GLIS1: variants seen among roughly 807,000 people sequenced by gnomAD.
GLIS1 encodes GLIS family zinc finger 1.
GLIS1 carries 24 observed loss-of-function variants against 63.8 expected under a neutral mutation model. That is an observed-to-expected ratio of 0.38 (90% CI 0.27 to 0.53). The LOEUF (loss-of-function observed/expected upper bound fraction) is 0.53, where lower values mean the gene tolerates loss of function less well. Among genes scored for constraint, GLIS1 ranks in the 20% least tolerant of loss-of-function variants. GLIS1 has a pLI of 0.85. For missense variants in GLIS1, 1,036 were observed against 1,074.1 expected (o/e 0.96, Z 0.50); for synonymous variants, 450 against 482.5 (o/e 0.93, Z 0.88).
intron 5 of GLIS1, among the ~76,000 whole-genome samples, chr1:53,525,097 G>A (rs929034060): frequency 1.3e-5 from 2 of 152,128 alleles, no homozygotes; most frequent in Non-Finnish European, 2.9e-5. Context: ...CACCATCCTG[G>A]GACCTCAGGT....
At chr1:53,723,749 G>A (rs1051659296) in intron 2 of GLIS1, among the ~76,000 whole-genome samples, 2 of 152,088 alleles carry the variant, frequency 1.3e-5, no homozygotes, top group Admixed American at 6.6e-5. Context: ...TAGTACTCAC[G>A]TGAGTGGGAA....
intron 2 of GLIS1, among the ~76,000 whole-genome samples, chr1:53,708,159 T>C (rs1646600424): frequency 6.6e-6 from 1 of 151,980 alleles, no homozygotes; most frequent in South Asian, 2.1e-4. Flanking sequence ...GGGGGATGCC[T>C]GTAGTCCCAG....
chr1:53,544,793 A>G (rs1413788505), intron 4 of GLIS1, among the ~76,000 whole-genome samples: 1 of 152,028 alleles, frequency 6.6e-6, no homozygotes, highest in Non-Finnish European at 1.5e-5. Context: ...TTTCTTTGTG[A>G]GGTTCTGGGC....
intron 7 of GLIS1, among the ~76,000 whole-genome samples, chr1:53,515,126 G>C (rs1644338687): frequency 6.7e-6 from 1 of 149,662 alleles, no homozygotes; most frequent in Non-Finnish European, 1.5e-5. Context: ...TGTGTTCTGA[G>C]ATGGGGGCAT....
At chr1:53,513,339 C>A (rs1217871879) in intron 8 of GLIS1, among the ~76,000 whole-genome samples, 1 of 152,176 alleles carries the variant, frequency 6.6e-6, no homozygotes, top group Non-Finnish European at 1.5e-5. Context: ...CATCCCCAAA[C>A]CTGACCACAT....
At chr1:53,715,947 G>A (rs1646694141) in intron 2 of GLIS1, among the ~76,000 whole-genome samples, 1 of 152,170 alleles carries the variant, frequency 6.6e-6, no homozygotes, top group Admixed American at 6.5e-5. Flanking sequence ...TTTTGAGCTG[G>A]CAGGTCCTGA....
chr1:53,670,572 A>G (rs1291866925), intron 2 of GLIS1, among the ~76,000 whole-genome samples: 2 of 152,202 alleles, frequency 1.3e-5, no homozygotes, highest in African/African-American at 4.8e-5. Flanking sequence ...TCCAACCCCT[A>G]ACACACCAGC....
chr1:53,549,502 C>T (rs932102823), intron 4 of GLIS1, among the ~76,000 whole-genome samples: 5 of 152,180 alleles, frequency 3.3e-5, no homozygotes, highest in East Asian at 1.9e-4. Flanking sequence ...CTTGTGGTTC[C>T]GATTTGCATT....
At position 53,685,049 on chromosome 1, in the gene GLIS1, G is replaced by A. The variant is rs1016177303; in HGVS notation, c.259+52757C>T. ...TGGAAGTCAGGGAAGGTTTCCTGGA[G>A]GAGATGCTGGCAGAGTTCTGGGAGG... On this transcript the variant is annotated intron_variant, in intron 2 of 10. Transcript: ENST00000628545. 4.5e-4 allele frequency among the ~76,000 whole-genome samples: 68 copies of A among 152,186 alleles called. 2 individuals are homozygous for A. The highest frequency in any genetic ancestry group is 4.3e-3 in the Admixed American group (66 of 15,282).
intron 2 of GLIS1, among the ~76,000 whole-genome samples, chr1:53,619,986 C>T (rs147782287): frequency 6.6e-6 from 1 of 152,328 alleles, no homozygotes; most frequent in East Asian, 1.9e-4. Context: ...GGATGATGCT[C>T]TCCTCTCCTT....
chr1:53,566,639 T>C (rs1161389131), intron 4 of GLIS1, among the ~76,000 whole-genome samples: 1 of 151,784 alleles, frequency 6.6e-6, no homozygotes, highest in Non-Finnish European at 1.5e-5. Flanking sequence ...TGGTGGGAGG[T>C]GACTGGATCA....
intron 2 of GLIS1, among the ~76,000 whole-genome samples, chr1:53,679,315 AACT>A (rs1165271569): frequency 6.6e-6 from 1 of 152,194 alleles, no homozygotes; most frequent in Non-Finnish European, 1.5e-5. Context: ...GCCTTAAAAT[AACT>A]ACAAGGCATT....
chr1:53,510,767 C>T (rs1644290835), intron 8 of GLIS1, among the ~76,000 whole-genome samples: 3 of 152,194 alleles, frequency 2.0e-5, no homozygotes, highest in Admixed American at 2.0e-4. Context: ...ATGGCCAAGT[C>T]GGCATTTTTT....
In GLIS1 at chr1:53,594,505, C is replaced by G. The variant is rs1366001854; in HGVS notation, c.923G>C (p.Ser308Thr). 1.2e-6 allele frequency: 2 copies of G among 1,613,026 alleles called. No individual in the cohort carries two copies. The highest frequency in any genetic ancestry group is 1.7e-6 in the Non-Finnish European group (2 of 1,179,974). ...GPASTDSHEG[S>T]LQLEACRKAS... ...CTTCCGGCAGGCTTCAAGTTGCAAG[C>G]TGCCCTCATGGCTGTCCGTCGATGC... is the stretch of plus-strand genomic sequence containing the variant. Residue 308 changes from serine to threonine, a missense_variant, in exon 4 of 11, where the codon AGC becomes ACC. Coordinates refer to ENST00000628545, the MANE Select transcript of GLIS1 (RefSeq NM_001367484.1).
At chr1:53,588,241 CA>C (rs1645155353) in intron 4 of GLIS1, among the ~76,000 whole-genome samples, 1 of 152,304 alleles carries the variant, frequency 6.6e-6, no homozygotes, top group East Asian at 1.9e-4. Context: ...TCACAAGATT[CA>C]AAAGCAGTGT....
intron 7 of GLIS1, among the ~76,000 whole-genome samples, chr1:53,517,477 T>C (rs1191941702): frequency 6.6e-6 from 1 of 152,120 alleles, no homozygotes; most frequent in African/African-American, 2.4e-5. Flanking sequence ...TCGCCTGCCA[T>C]CTTGAACCAA....
At chr1:53,590,270 TCACA>T (rs1645175534) in intron 4 of GLIS1, among the ~76,000 whole-genome samples, 1 of 152,024 alleles carries the variant, frequency 6.6e-6, no homozygotes, top group South Asian at 2.1e-4. Context: ...CAGCACGAGG[TCACA>T]CAGCTGCCAA....
At chr1:53,557,887 T>C (rs1006069046) in intron 4 of GLIS1, among the ~76,000 whole-genome samples, 5 of 152,212 alleles carry the variant, frequency 3.3e-5, no homozygotes, top group African/African-American at 7.2e-5. Flanking sequence ...CTGAAGTCAT[T>C]GTTAACAGAA....
rs192623258 is a variant in GLIS1 at position 53,511,608 on chromosome 1, C to T, written c.1884-1581G>A. 2.3e-4 allele frequency among the ~76,000 whole-genome samples: 35 copies of T among 152,310 alleles called. No individual in the cohort carries two copies. The East Asian group carries it at 3.7e-3, about 16-fold the overall frequency. On this transcript the variant is annotated intron_variant, in intron 8 of 10. Coordinates refer to ENST00000628545, the MANE Select transcript of GLIS1 (RefSeq NM_001367484.1). The surrounding 1 kb of genome is among the most constrained non-coding windows in gnomAD (Gnocchi z 4.2). ...CTGTCACTGTTTTAAGTTCATGAGA[C>T]GAATCCTCATCACACCTCCAGGAAT... is the stretch of plus-strand genomic sequence containing the variant.
Sources: allele counts gnomAD v4.1 joint callset (sites outside exome capture counted in the v4.1 genomes callset), GRCh38; gene constraint gnomAD v4.1.1; non-coding constraint Gnocchi (gnomAD v3.1); transcripts MANE v1.5; gene names NCBI Gene and HGNC (gene_info 2026-07-23, HGNC 2026-07-21).